Variants in PDE1C observed in about 807,000 individuals in gnomAD.
PDE1C encodes dual specificity calcium/calmodulin-dependent 3',5'-cyclic nucleotide phosphodiesterase 1C.
PDE1C carries 62 observed loss-of-function variants against 93.1 expected under a neutral mutation model. That is an observed-to-expected ratio of 0.67 (90% CI 0.54 to 0.82). The LOEUF is 0.82. PDE1C is among the 40% of genes least tolerant of loss of function. PDE1C has a pLI of 0.00. For missense variants in PDE1C, 742 were observed against 884.6 expected (o/e 0.84, Z 2.04); for synonymous variants, 325 against 310.1 (o/e 1.05, Z -0.50).
At chr7:32,086,876 T>G (rs1227861445) in intron 3 of PDE1C, among the ~76,000 whole-genome samples, 2 of 151,726 alleles carry the variant, frequency 1.3e-5, no homozygotes, top group East Asian at 3.9e-4. Context: ...AAGACTTACA[T>G]GTTAGACCTA....
At chr7:32,390,875 C>T (rs914880830) in intron 1 of PDE1C, among the ~76,000 whole-genome samples, 3 of 151,654 alleles carry the variant, frequency 2.0e-5, no homozygotes, top group Non-Finnish European at 4.4e-5. Flanking sequence ...TAAAATAAAA[C>T]TCAAAAAATT....
At chr7:32,074,537 G>A (rs1210903226), upstream of PDE1C, among the ~76,000 whole-genome samples, 1 of 152,146 alleles carries the variant, frequency 6.6e-6, no homozygotes, top group Non-Finnish European at 1.5e-5. Context: ...AGACCAAAAG[G>A]CAAAGCTCAT....
chr7:31,966,817 A>G (rs890677473), intron 2 of PDE1C, among the ~76,000 whole-genome samples: 5 of 152,112 alleles, frequency 3.3e-5, no homozygotes, highest in South Asian at 4.1e-4. Flanking sequence ...ACTCAAAACC[A>G]CTCAACTACA....
upstream of PDE1C, among the ~76,000 whole-genome samples, chr7:32,303,384 C>A (rs766041796): frequency 2.6e-5 from 4 of 152,186 alleles, no homozygotes; most frequent in Non-Finnish European, 5.9e-5. Context: ...AGGCATTGTG[C>A]TAACCAAGAA....
chr7:32,393,258 A>T (rs980779710), intron 1 of PDE1C, among the ~76,000 whole-genome samples: 5 of 152,246 alleles, frequency 3.3e-5, no homozygotes, highest in African/African-American at 9.6e-5. Flanking sequence ...TCTAGTCTGT[A>T]CAATTAGGCA....
chr7:31,847,844 A>T, intron 9 of PDE1C, 124 bp downstream of exon 9: 1 of 1,000,428 alleles, frequency 1.0e-6, no homozygotes, highest in Non-Finnish European at 1.6e-6. Context: ...AGAGAAAGAA[A>T]GAGAGAGAAA....
At chr7:32,046,505 C>T (rs1256821678) in intron 2 of PDE1C, among the ~76,000 whole-genome samples, 1 of 152,130 alleles carries the variant, frequency 6.6e-6, no homozygotes, top group Non-Finnish European at 1.5e-5. Context: ...CCTTTGTTCA[C>T]CTGTATCTCA....
At chr7:32,096,840 T>TAGATAGATAGAC (rs1554502451) in intron 3 of PDE1C, among the ~76,000 whole-genome samples, 24 of 150,748 alleles carry the variant, frequency 1.6e-4, no homozygotes, top group Admixed American at 1.6e-3. Context: ...GATAGATAGA[T>TAGATAGATAGAC]AGATAGATAG....
intron 3 of PDE1C, among the ~76,000 whole-genome samples, chr7:32,139,299 C>A (rs1800384641): frequency 9.1e-6 from 1 of 109,874 alleles, no homozygotes; most frequent in Non-Finnish European, 2.1e-5. Context: ...CCAAAATCAA[C>A]CTTTTTTTTT....
intron 2 of PDE1C, among the ~76,000 whole-genome samples, chr7:32,197,984 T>G (rs1804735537): frequency 6.6e-6 from 1 of 152,210 alleles, no homozygotes; most frequent in East Asian, 1.9e-4. Flanking sequence ...AAGCCATTTT[T>G]ATTTTTTAAA....
chr7:32,173,794 G>T (rs540535168), intron 2 of PDE1C, among the ~76,000 whole-genome samples: 6 of 152,270 alleles, frequency 3.9e-5, no homozygotes, highest in Admixed American at 2.6e-4. Context: ...GGCTTGTTGT[G>T]CCAGAAGGAC....
In PDE1C at chr7:32,032,664, C is replaced by T. The variant is rs969321659; in HGVS notation, c.128+18890G>A. Among the ~76,000 whole-genome samples, 13 of 152,168 alleles carry T rather than the reference C, an allele frequency of 8.5e-5. 1 individual carries two copies. Among genetic ancestry groups the T allele is most frequent in the Admixed American group, 5.9e-4 (9 of 15,282 alleles). ...AACCTACCATCTTATGGTCACATGC[C>T]GGGTCTTATGAAAATGAGGGCTGTG... is the stretch of plus-strand genomic sequence containing the variant. On this transcript the variant is annotated intron_variant, in intron 2 of 17. Transcript: ENST00000396191.
chr7:32,274,457 C>A (rs933548334), intron 1 of PDE1C, among the ~76,000 whole-genome samples: 13 of 151,568 alleles, frequency 8.6e-5, no homozygotes, highest in African/African-American at 3.2e-4. Flanking sequence ...ATCCTCCCAC[C>A]TCAGCCTCCC....
chr7:31,683,294 A>T, the PDE1C span, among the ~76,000 whole-genome samples: 48 of 152,258 alleles, frequency 3.2e-4, no homozygotes, highest in Non-Finnish European at 4.4e-5. Context: ...CTACATGTGA[A>T]CTACAATTAT....
intron 16 of PDE1C, among the ~76,000 whole-genome samples, chr7:31,805,527 T>C (rs1037441417): frequency 2.6e-5 from 4 of 151,840 alleles, no homozygotes; most frequent in Non-Finnish European, 5.9e-5. Context: ...CCTGGATTTT[T>C]ATTCAACTTC....
At chr7:32,390,985 C>T (rs73303795) in intron 1 of PDE1C, among the ~76,000 whole-genome samples, 314 of 152,018 alleles carry the variant, frequency 2.1e-3, no homozygotes, top group African/African-American at 7.4e-3. Context: ...AAAAAAGACA[C>T]CAGCAATTTA....
intron 1 of PDE1C, among the ~76,000 whole-genome samples, chr7:32,241,985 A>G (rs1352340075): frequency 6.6e-6 from 1 of 152,206 alleles, no homozygotes; most frequent in African/African-American, 2.4e-5. Context: ...CAAGGTCATC[A>G]GCAGAGAATG....
chr7:32,101,692 AGAACCGT>A (rs1400793320), intron 3 of PDE1C, among the ~76,000 whole-genome samples: 3 of 152,240 alleles, frequency 2.0e-5, no homozygotes, highest in Non-Finnish European at 4.4e-5. Flanking sequence ...CTTAGCCTGC[AGAACCGT>A]GAGCCAAAAA....
intron 11 of PDE1C, among the ~76,000 whole-genome samples, chr7:31,834,278 C>T (rs1790781555): frequency 6.6e-6 from 1 of 152,146 alleles, no homozygotes; most frequent in South Asian, 2.1e-4. Flanking sequence ...GGAGTTGAAA[C>T]CCCCACACAG....
Sources: gnomAD v4.1 joint callset for allele counts (sites outside exome capture counted in the v4.1 genomes callset) on GRCh38, gnomAD v4.1.1 for gene constraint, MANE v1.5 for transcripts, NCBI Gene and HGNC (gene_info 2026-07-23, HGNC 2026-07-21) for gene names.